SPATA13: variants seen among roughly 807,000 people sequenced by gnomAD.
The protein encoded by SPATA13 is spermatogenesis associated 13, also known as spermatogenesis-associated protein 13.
In SPATA13, 50 loss-of-function variants were observed where a neutral mutation model predicts 104.0. The ratio of observed to expected loss-of-function variants is 0.48; its 90% CI spans 0.38 to 0.61. The LOEUF (loss-of-function observed/expected upper bound fraction) is 0.61, where lower values mean the gene tolerates loss of function less well. Among genes scored for constraint, SPATA13 ranks in the 20% least tolerant of loss-of-function variants. The pLI is 0.00. For synonymous variants in SPATA13, 606 were observed against 667.5 expected (o/e 0.91, Z 1.42); for missense variants, 1,524 against 1,690.6 (o/e 0.90, Z 1.73).
intron 12 of SPATA13, among the ~76,000 whole-genome samples, chr13:24,300,766 A>C (rs1332458530): frequency 6.6e-6 from 1 of 152,148 alleles, no homozygotes; most frequent in East Asian, 1.9e-4. Context: ...CCCCTCCCCC[A>C]AGTGCTGATG....
chr13:24,087,571 C>T (rs140321836), intron 3 of SPATA13, among the ~76,000 whole-genome samples: 7 of 152,246 alleles, frequency 4.6e-5, no homozygotes, highest in East Asian at 1.9e-4. Flanking sequence ...AGCTGCATAT[C>T]GATGAATGAT....
chr13:23,988,921 G>A (rs983773102), intron 2 of SPATA13, among the ~76,000 whole-genome samples: 1 of 152,042 alleles, frequency 6.6e-6, no homozygotes, highest in Non-Finnish European at 1.5e-5. Flanking sequence ...GTCTTTGGGG[G>A]CTCTCCTATG....
chr13:24,204,388 T>C (rs1870586669), intron 1 of SPATA13, among the ~76,000 whole-genome samples: 1 of 152,106 alleles, frequency 6.6e-6, no homozygotes, highest in Admixed American at 6.5e-5. Context: ...TTTAAAAGCA[T>C]TGTTTTTGTT....
chr13:24,004,264 C>A (rs1876115484), intron 2 of SPATA13, among the ~76,000 whole-genome samples: 1 of 152,208 alleles, frequency 6.6e-6, no homozygotes, highest in Non-Finnish European at 1.5e-5. Flanking sequence ...CTGCAGTCAT[C>A]AGTCAATAAA....
intron 2 of SPATA13, among the ~76,000 whole-genome samples, chr13:24,238,225 C>A (rs1182451409): frequency 1.6e-5 from 2 of 121,904 alleles, no homozygotes; most frequent in Non-Finnish European, 3.4e-5. Context: ...GGCATAATCT[C>A]GGCTCACTGC....
At chr13:24,076,466 T>C (rs1879329952) in intron 3 of SPATA13, among the ~76,000 whole-genome samples, 1 of 152,094 alleles carries the variant, frequency 6.6e-6, no homozygotes, top group African/African-American at 2.4e-5. Context: ...TGGATTTGTT[T>C]TTGATGTTTT....
At position 24,221,805 on chromosome 13, in the gene SPATA13, A is replaced by AG. The variant is rs1871599459; in HGVS notation, c.-111-1014_-111-1013insG. ...TGTTTAATTTGAATTCTTACCTCTG[A>AG]ATTTTTTTTTTTTTTTTTTTTGAGA... On this transcript the variant is annotated intron_variant, in intron 1 of 12. Transcript: ENST00000382108. Among the ~76,000 whole-genome samples, 3 of 131,584 alleles carry AG rather than the reference A, an allele frequency of 2.3e-5. No homozygotes were observed. The South Asian group carries it at 7.2e-4, about 32-fold the overall frequency. 86.3% of individuals were successfully genotyped at this position (131,584 alleles called of 152,430 possible).
chr13:24,177,785 G>C (rs949857718), intron 1 of SPATA13, among the ~76,000 whole-genome samples: 11 of 152,034 alleles, frequency 7.2e-5, no homozygotes, highest in African/African-American at 2.7e-4. Context: ...ATTCAGGAGG[G>C]CTCTGCCACC....
Position 24,201,765 on chromosome 13 carries a change from A to G in SPATA13, c.-111-21054A>G, listed in dbSNP as rs998258522. ...AGAGTTCACTCTTGATGTACATTCT[A>G]TGGTTTGTACAAATACATAATGCAA... On this transcript the variant is annotated intron_variant, in intron 1 of 12. Transcript: ENST00000382108. 2.6e-5 allele frequency among the ~76,000 whole-genome samples: 4 copies of G among 152,300 alleles called. 1 individual carries two copies. Among genetic ancestry groups the G allele is most frequent in the South Asian group, 4.1e-4 (2 of 4,824 alleles).
intron 2 of SPATA13, among the ~76,000 whole-genome samples, chr13:23,988,508 G>T (rs1875258259): frequency 6.6e-6 from 1 of 152,186 alleles, no homozygotes; most frequent in Non-Finnish European, 1.5e-5. Context: ...AAGCATGTTG[G>T]TCAATCAGAA....
At chr13:23,992,517 C>T (rs2137661281) in intron 2 of SPATA13, among the ~76,000 whole-genome samples, 1 of 152,270 alleles carries the variant, frequency 6.6e-6, no homozygotes, top group East Asian at 1.9e-4. Context: ...GGGATCTAGG[C>T]TAATGAAGGC....
chr13:24,147,454 T>C (rs913577853), intron 3 of SPATA13, among the ~76,000 whole-genome samples: 2 of 152,158 alleles, frequency 1.3e-5, no homozygotes, highest in African/African-American at 4.8e-5. Context: ...AGCTTGTCTA[T>C]CCACTCTCTT....
Position 24,161,855 on chromosome 13 carries a change from T to A in SPATA13, c.-112+923T>A, listed in dbSNP as rs1243347745. Reference sequence around the variant, plus strand: ...TGCACCTCCCCCTGCCAGCATTTTCTCTGTCCCCACCTTCGGTTTTTGCTG... The same window carrying A: ...TGCACCTCCCCCTGCCAGCATTTTCACTGTCCCCACCTTCGGTTTTTGCTG... On this transcript the variant is annotated intron_variant, in intron 1 of 12. Coordinates refer to ENST00000382108, the MANE Select transcript of SPATA13 (RefSeq NM_001166271.3). The surrounding 1 kb of genome is among the most constrained non-coding windows in gnomAD (Gnocchi z 4.5). Among the ~76,000 whole-genome samples, 1 of 152,222 alleles carries A rather than the reference T, an allele frequency of 6.6e-6. No individual in the cohort carries two copies. Among genetic ancestry groups the A allele is most frequent in the African/African-American group, 2.4e-5 (1 of 41,454 alleles).
chr13:24,028,672 T>G (rs933897852), intron 3 of SPATA13, among the ~76,000 whole-genome samples: 6 of 152,224 alleles, frequency 3.9e-5, no homozygotes, highest in African/African-American at 1.2e-4. Context: ...TGCCTCTCTT[T>G]TATTCACCTT....
intron 1 of SPATA13, among the ~76,000 whole-genome samples, chr13:24,180,736 T>C (rs1321986178): frequency 1.3e-5 from 2 of 152,254 alleles, no homozygotes; most frequent in East Asian, 3.8e-4. Context: ...TTTCTGATGC[T>C]ATTATAGATG....
intron 4 of SPATA13, among the ~76,000 whole-genome samples, chr13:24,270,431 C>A (rs573257358): frequency 1.3e-5 from 2 of 152,320 alleles, no homozygotes; most frequent in African/African-American, 4.8e-5. Context: ...GACCCCTGTG[C>A]TTTTCTCTTG....
intron 2 of SPATA13, among the ~76,000 whole-genome samples, chr13:24,229,609 G>A (rs950130674): frequency 2.6e-5 from 4 of 151,726 alleles, no homozygotes; most frequent in Non-Finnish European, 2.9e-5. Flanking sequence ...CGTTAAGGTC[G>A]GTTCTTTCCA....
intron 1 of SPATA13, among the ~76,000 whole-genome samples, chr13:24,171,242 G>A (rs193237834): frequency 6.6e-6 from 1 of 152,268 alleles, no homozygotes; most frequent in East Asian, 1.9e-4. Flanking sequence ...CACTTGGAAA[G>A]CAGTGCCCAT....
chr13:24,122,240 G>A, intron 3 of SPATA13: 1 of 1,332,260 alleles, frequency 7.5e-7, no homozygotes, highest in Non-Finnish European at 1.1e-6. Context: ...AAGATGGTGA[G>A]TCAGAGCCTG....
Sources: allele counts gnomAD v4.1 joint callset (sites outside exome capture counted in the v4.1 genomes callset), GRCh38; gene constraint gnomAD v4.1.1; non-coding constraint Gnocchi (gnomAD v3.1); transcripts MANE v1.5; gene names NCBI Gene and HGNC (gene_info 2026-07-23, HGNC 2026-07-21).